Variants in GPBP1 observed in about 807,000 individuals in gnomAD.
GPBP1 encodes the protein vasculin.
A neutral mutation model predicts 56.5 loss-of-function variants in GPBP1; 13 were observed. That is an observed-to-expected ratio of 0.23 (90% CI 0.15 to 0.37). The LOEUF (loss-of-function observed/expected upper bound fraction) is 0.37. Among genes scored for constraint, GPBP1 ranks in the 10% least tolerant of loss-of-function variants. The pLI is 1.00. For missense variants in GPBP1, 477 were observed against 572.3 expected (o/e 0.83, Z 1.70); for synonymous variants, 204 against 188.9 (o/e 1.08, Z -0.66).
intron 3 of GPBP1, among the ~76,000 whole-genome samples, chr5:57,222,144 T>C (rs1755981856): frequency 6.6e-6 from 1 of 152,122 alleles, no homozygotes; most frequent in East Asian, 1.9e-4. Flanking sequence ...TACCTGGCCT[T>C]AAAACTATTT....
At position 57,251,060 on chromosome 5, in the gene GPBP1, C is replaced by T; in HGVS notation, c.1079C>T (p.Ser360Leu). The stretch of plus-strand genomic sequence containing the variant: ...ATTCCTCAAGAGAATGGCAATGCCT[C>T]AGTGATTTCCCAGCAGATCATTCGG... ...NEIPQENGNA[S>L]VISQQIIRSS... The change falls in exon 10 of 12, where the codon TCA (serine) becomes TTA (leucine). Residue 360 changes from serine to leucine, a missense_variant. Ser to Leu is a moderately radical substitution (Grantham distance 145). Coordinates refer to ENST00000506184, the MANE Select transcript of GPBP1 (RefSeq NM_022913.4). 1 of 1,613,370 alleles carries T rather than the reference C, an allele frequency of 6.2e-7. No homozygotes were observed. The highest frequency in any genetic ancestry group is 8.5e-7 in the Non-Finnish European group (1 of 1,179,770).
At chr5:57,216,448 G>A (rs532411236) in intron 3 of GPBP1, among the ~76,000 whole-genome samples, 42 of 152,142 alleles carry the variant, frequency 2.8e-4, no homozygotes, top group Admixed American at 2.4e-3. Context: ...GTGGTCGGGC[G>A]TGGTGGCTCA....
At chr5:57,197,438 A>C (rs1754816379) in intron 2 of GPBP1, among the ~76,000 whole-genome samples, 1 of 141,014 alleles carries the variant, frequency 7.1e-6, no homozygotes, top group South Asian at 2.2e-4. Flanking sequence ...AGCTCACTGC[A>C]ACCTCCGCCT....
Position 57,233,398 on chromosome 5 carries a change from A to G in GPBP1, c.411+2077A>G, listed in dbSNP as rs144990560. Among the ~76,000 whole-genome samples the G allele has an allele frequency of 1.1e-3, 163 of 152,234 alleles. 1 individual carries two copies. The highest frequency in any genetic ancestry group is 3.6e-3 in the African/African-American group (151 of 41,560). Reference sequence around the variant, plus strand: ...AATAATCATAACATTAAAATTTTACAGTATAGTTGACCCTTGAATAACACA... The same window carrying G: ...AATAATCATAACATTAAAATTTTACGGTATAGTTGACCCTTGAATAACACA... On this transcript the variant is annotated intron_variant, in intron 5 of 11. Coordinates refer to ENST00000506184, the MANE Select transcript of GPBP1 (RefSeq NM_022913.4).
chr5:57,185,961 A>G (rs986765909), intron 2 of GPBP1, among the ~76,000 whole-genome samples: 1 of 152,140 alleles, frequency 6.6e-6, no homozygotes, highest in Non-Finnish European at 1.5e-5. Flanking sequence ...TCTTAAAAAA[A>G]AAAAGGCAAA....
intron 1 of GPBP1, 60 bp downstream of exon 1, chr5:57,174,271 CGTGTTG>C: frequency 6.6e-6 from 1 of 152,452 alleles, no homozygotes; most frequent in Non-Finnish European, 1.5e-5. Context: ...TGCCCGTGTC[CGTGTTG>C]GGGTTTGAGG....
chr5:57,238,302 C>T (rs1740633018), intron 6 of GPBP1, among the ~76,000 whole-genome samples: 2 of 152,150 alleles, frequency 1.3e-5, no homozygotes, highest in South Asian at 4.1e-4. Flanking sequence ...CATGGTGGCT[C>T]ATGCCTGTAA....
At chr5:57,179,278 TAAAC>T (rs1753933938) in intron 2 of GPBP1, among the ~76,000 whole-genome samples, 1 of 152,388 alleles carries the variant, frequency 6.6e-6, no homozygotes, top group African/African-American at 2.4e-5. Context: ...AGTTTGGAAA[TAAAC>T]TAAGAGATAT....
At chr5:57,186,425 G>T (rs1170803495) in intron 2 of GPBP1, among the ~76,000 whole-genome samples, 3 of 151,216 alleles carry the variant, frequency 2.0e-5, no homozygotes, top group Non-Finnish European at 4.4e-5. Flanking sequence ...TTCATGGTTT[G>T]TGCTTTTGTG....
At chr5:57,212,016 A>C (rs531113950) in intron 2 of GPBP1, among the ~76,000 whole-genome samples, 1 of 151,958 alleles carries the variant, frequency 6.6e-6, no homozygotes, top group Non-Finnish European at 1.5e-5. Context: ...GGCTCACTGC[A>C]ACCTCCACTT....
chr5:57,254,824 T>C (rs1434839996), intron 10 of GPBP1, among the ~76,000 whole-genome samples: 1 of 152,240 alleles, frequency 6.6e-6, no homozygotes, highest in Non-Finnish European at 1.5e-5. Flanking sequence ...CAGATATCTA[T>C]AAATTCACTT....
At chr5:57,197,360 C>CTTTTTTTTTTTTTTTTTTTT in intron 2 of GPBP1, among the ~76,000 whole-genome samples, 1 of 119,882 alleles carries the variant, frequency 8.3e-6, no homozygotes, top group Non-Finnish European at 1.6e-5. Flanking sequence ...TATCATTTTG[C>CTTTTTTTTTTTTTTTTTTTT]TTTTTTTTTT....
rs770788060 is a variant in GPBP1, at chr5:57,178,113, A to G, written c.-58+1713A>G. On this transcript the variant is annotated intron_variant, in intron 2 of 11. Transcript: ENST00000506184. ...CATTCCACACCCTTTCACTTGGGAGAGCATGTATTTTGTTCATTCCTCAAT... is the reference window on the plus strand; with the variant it reads ...CATTCCACACCCTTTCACTTGGGAGGGCATGTATTTTGTTCATTCCTCAAT... 1.0e-3 allele frequency among the ~76,000 whole-genome samples: 154 copies of G among 152,216 alleles called. 2 individuals carry two copies. The highest frequency in any genetic ancestry group is 1.2e-3 in the Non-Finnish European group (79 of 68,006).
At chr5:57,183,866 G>C (rs888931276) in intron 2 of GPBP1, among the ~76,000 whole-genome samples, 1 of 149,768 alleles carries the variant, frequency 6.7e-6, no homozygotes. Context: ...CGACCTCCCA[G>C]ACACAGGTGA....
chr5:57,192,412 A>G (rs746344860), intron 2 of GPBP1, among the ~76,000 whole-genome samples: 3 of 152,058 alleles, frequency 2.0e-5, no homozygotes, highest in Admixed American at 1.3e-4. Flanking sequence ...TGTATTTTGT[A>G]CTTTTTGACA....
intron 2 of GPBP1, among the ~76,000 whole-genome samples, chr5:57,202,588 A>C: frequency 6.6e-6 from 1 of 152,006 alleles, no homozygotes. Flanking sequence ...CGTGCCCAGC[A>C]GCATTTTTTT....
rs140985290 is a variant in GPBP1, at chr5:57,186,820, G to A, written c.-58+10420G>A. Among the ~76,000 whole-genome samples the A allele has an allele frequency of 3.2e-3, 488 of 152,090 alleles. 4 individuals carry two copies. Among genetic ancestry groups the A allele is most frequent in the African/African-American group, 0.011 (463 of 41,522 alleles). ...TACTGGACTCATGGGATCCTCCTGC[G>A]TTGGCCTCCCAAAGTATTGGGATTA... On this transcript the variant is annotated intron_variant, in intron 2 of 11. Coordinates refer to ENST00000506184, the MANE Select transcript of GPBP1 (RefSeq NM_022913.4).
chr5:57,189,715 C>G (rs906021687), intron 2 of GPBP1, among the ~76,000 whole-genome samples: 2 of 152,196 alleles, frequency 1.3e-5, no homozygotes, highest in Admixed American at 6.5e-5. Context: ...TCCATTGGAT[C>G]TAAAAATAGC....
intron 2 of GPBP1, among the ~76,000 whole-genome samples, chr5:57,186,018 G>A (rs1754270190): frequency 6.6e-6 from 1 of 151,728 alleles, no homozygotes; most frequent in Non-Finnish European, 1.5e-5. Context: ...CATGTATTTT[G>A]GATACATGTT....
Sources: gnomAD v4.1 joint callset for allele counts (sites outside exome capture counted in the v4.1 genomes callset) on GRCh38, gnomAD v4.1.1 for gene constraint, MANE v1.5 for transcripts, NCBI Gene and HGNC (gene_info 2026-07-23, HGNC 2026-07-21) for gene names.